LRRC9: variants seen among roughly 807,000 people sequenced by gnomAD.
The protein encoded by LRRC9 is leucine-rich repeat-containing protein 9.
LRRC9 carries 122 observed loss-of-function variants against 63.2 expected under a neutral mutation model. That is an observed-to-expected ratio of 1.93 (90% CI 1.67 to 2.24). LRRC9 has a LOEUF of 2.24. Among genes scored for constraint, LRRC9 ranks in the 30% most tolerant of loss-of-function variants. The pLI, the probability that LRRC9 is intolerant of heterozygous loss-of-function variation, is 0.00. For synonymous variants in LRRC9, 366 were observed against 213.1 expected (o/e 1.72, Z -6.25); for missense variants, 1,071 against 627.7 (o/e 1.71, Z -7.55).
intron 8 of LRRC9, among the ~76,000 whole-genome samples, chr14:59,959,474 TA>T (rs1227866525): frequency 6.6e-6 from 1 of 152,228 alleles, no homozygotes; most frequent in Non-Finnish European, 1.5e-5. Context: ...CTAAAATCAG[TA>T]TTTATTTTAA....
In LRRC9 at chr14:59,986,584, G is replaced by T; in HGVS notation, c.2211+1360G>T. Among the ~76,000 whole-genome samples, 1 of 152,170 alleles carries T rather than the reference G, an allele frequency of 6.6e-6. No individual in the cohort carries two copies. Among genetic ancestry groups the T allele is most frequent in the Non-Finnish European group, 1.5e-5 (1 of 68,014 alleles). Reference sequence around the variant, plus strand: ...GAGGTCTCAGGACTGTATGTAGATTGTTGGTATTTTTATTTTTTTCTATTT... The same window carrying T: ...GAGGTCTCAGGACTGTATGTAGATTTTTGGTATTTTTATTTTTTTCTATTT... On this transcript the variant is annotated intron_variant, in intron 17 of 31. Transcript: ENST00000445360. The surrounding 1 kb of genome is among the most constrained non-coding windows in gnomAD (Gnocchi z 4.7).
chr14:59,963,624 G>A (rs542056121), intron 10 of LRRC9, among the ~76,000 whole-genome samples: 2 of 152,106 alleles, frequency 1.3e-5, no homozygotes, highest in East Asian at 1.9e-4. Flanking sequence ...ATCTAGCATG[G>A]GACTGGATTA....
chr14:60,018,057 T>C (rs988534138), intron 24 of LRRC9, among the ~76,000 whole-genome samples: 13 of 152,120 alleles, frequency 8.5e-5, no homozygotes, highest in African/African-American at 2.9e-4. Context: ...TAAACATATA[T>C]GTGAATTTAT....
chr14:59,998,632 A>C (rs1889044997), intron 18 of LRRC9, among the ~76,000 whole-genome samples: 1 of 152,070 alleles, frequency 6.6e-6, no homozygotes, highest in South Asian at 2.1e-4. Flanking sequence ...TACTAAGTTT[A>C]TATTATTGTA....
chr14:60,047,576 T>C (rs1189251242), intron 29 of LRRC9, among the ~76,000 whole-genome samples: 3 of 152,086 alleles, frequency 2.0e-5, no homozygotes, highest in African/African-American at 4.8e-5. Context: ...TAATGGTAAA[T>C]GTTTCAATTC....
chr14:59,993,994 A>G (rs897689317), intron 17 of LRRC9, among the ~76,000 whole-genome samples: 2 of 152,184 alleles, frequency 1.3e-5, no homozygotes, highest in Admixed American at 1.3e-4. Flanking sequence ...CTCCACCCCA[A>G]ATCAACAGAA....
intron 8 of LRRC9, among the ~76,000 whole-genome samples, chr14:59,945,275 AG>A (rs1882239825): frequency 6.6e-6 from 1 of 152,012 alleles, no homozygotes; most frequent in African/African-American, 2.4e-5. Flanking sequence ...TACTAAAAGT[AG>A]ACCCTGAAAA....
At position 60,002,371 on chromosome 14, in the gene LRRC9, G is replaced by A. The variant is rs140917667; in HGVS notation, c.2664+271G>A. Among the ~76,000 whole-genome samples, 543 of 152,130 alleles carry A rather than the reference G, an allele frequency of 3.6e-3. 1 individual carries two copies. Among genetic ancestry groups the A allele is most frequent in the Non-Finnish European group, 5.3e-3 (363 of 68,008 alleles). On this transcript the variant is annotated intron_variant, in intron 20 of 31. Coordinates refer to ENST00000445360, the Ensembl canonical transcript of LRRC9. ...ACATTAGGGTCTCTAGAAAGTATTC[G>A]TCTTGCATAACTGAAACCTTGTACC...
In LRRC9 at chr14:59,945,853, G is replaced by A. The variant is rs1882315777; in HGVS notation, c.882+1109G>A. On this transcript the variant is annotated intron_variant, in intron 8 of 31. Transcript: ENST00000445360. ...AGCATTTGAAAGAACTCAATTTGAT[G>A]ATTAACTTCCAAATGTTAATTAAGA... Among the ~76,000 whole-genome samples, 4 of 152,006 alleles carry A rather than the reference G, an allele frequency of 2.6e-5. No individual in the cohort carries two copies. The South Asian group carries it at 8.3e-4, about 32-fold the overall frequency.
At chr14:60,045,371 A>T (rs549502413) in intron 29 of LRRC9, among the ~76,000 whole-genome samples, 1 of 152,142 alleles carries the variant, frequency 6.6e-6, no homozygotes, top group South Asian at 2.1e-4. Flanking sequence ...TCACCCCATC[A>T]CCTAGGTATT....
In LRRC9 at chr14:59,964,915, T is replaced by C. The variant is rs954480833; in HGVS notation, c.1212-1674T>C. ...AGTAATTTATAAGATCCTGGCTGCA[T>C]TGATTAAGTATTTGCTTGTGAGAAA... On this transcript the variant is annotated intron_variant, in intron 10 of 31. Transcript: ENST00000445360. The surrounding 1 kb of genome is among the most constrained non-coding windows in gnomAD (Gnocchi z 4.4). Among the ~76,000 whole-genome samples the C allele has an allele frequency of 2.3e-4, 35 of 152,322 alleles. No individual in the cohort carries two copies. Among genetic ancestry groups the C allele is most frequent in the Non-Finnish European group, 4.0e-4 (27 of 68,028 alleles).
chr14:59,938,207 T>C lies in LRRC9; in HGVS notation c.544-183T>C, dbSNP rs760779567. Among the ~76,000 whole-genome samples the C allele has an allele frequency of 6.6e-5, 10 of 152,188 alleles. No homozygotes were observed. The highest frequency in any genetic ancestry group is 1.2e-4 in the Non-Finnish European group (8 of 68,022). ...GTGTAGCATGTTGTTTAATTATTGT[T>C]GATATTTTCTTCAGGAATTTAGCTT... On this transcript the variant is annotated intron_variant, in intron 6 of 31. Coordinates refer to ENST00000445360, the Ensembl canonical transcript of LRRC9. The surrounding 1 kb of genome is among the most constrained non-coding windows in gnomAD (Gnocchi z 4.2).
chr14:60,036,864 C>A (rs949021530), intron 29 of LRRC9, among the ~76,000 whole-genome samples: 6 of 152,054 alleles, frequency 3.9e-5, no homozygotes, highest in Non-Finnish European at 7.4e-5. Flanking sequence ...GTGCTGCACC[C>A]GTTAACTTGT....
chr14:59,966,716 G>C lies in LRRC9; in HGVS notation c.1339G>C (p.Glu447Gln), dbSNP rs1404603402. ...CAACCGTATTCTGAGACTAAAATTC[G>C]AAGAGAAATTTCAAAAGTTTTTGGA... The change falls in exon 11 of 32, where the codon GAA becomes CAA. Residue 447 changes from glutamate to glutamine, a missense_variant. Glu to Gln is a conservative substitution (Grantham distance 29). Coordinates refer to ENST00000445360, the Ensembl canonical transcript of LRRC9. This position sits in a 1 kb window ranked among gnomAD's most constrained non-coding sequence, Gnocchi z 4.0. 7 of 686,046 alleles carry C rather than the reference G, an allele frequency of 1.0e-5. No individual in the cohort carries two copies. In the Admixed American group the frequency reaches 1.3e-4, roughly 13 times the overall value. 42.5% of individuals were successfully genotyped at this position (686,046 alleles called of 1,614,324 possible). A position where few individuals can be genotyped will look rare whatever the true frequency, so the allele number is the denominator to read the frequency against.
At chr14:59,939,733 A>G (rs1881556096) in intron 7 of LRRC9, among the ~76,000 whole-genome samples, 1 of 151,966 alleles carries the variant, frequency 6.6e-6, no homozygotes, top group South Asian at 2.1e-4. Flanking sequence ...CTATTTGACG[A>G]CATGAGGAAG....
chr14:60,016,742 C>T, exon 24 of LRRC9: 1 of 700,052 alleles, frequency 1.4e-6, no homozygotes, highest in Non-Finnish European at 2.6e-6. Context: ...CAAGGACATT[C>T]CAACTTCAAA....
At chr14:60,021,880 T>A (rs758410837) in intron 26 of LRRC9, among the ~76,000 whole-genome samples, 1 of 151,926 alleles carries the variant, frequency 6.6e-6, no homozygotes, top group African/African-American at 2.4e-5. Flanking sequence ...ACTGGTTTGA[T>A]TACTGTGGTT....
In LRRC9 at chr14:60,031,742, T is replaced by G. The variant is rs1250436052; in HGVS notation, c.3922-253T>G. Among the ~76,000 whole-genome samples the G allele has an allele frequency of 6.6e-6, 1 of 152,106 alleles. No homozygotes were observed. The highest frequency in any genetic ancestry group is 1.5e-5 in the Non-Finnish European group (1 of 67,970). ...AATTCTGAGAAAAAAATTTGATCTT[T>G]TCTTGCAAGTGCTGCTATATAGCCA... On this transcript the variant is annotated intron_variant, in intron 28 of 31. Coordinates refer to ENST00000445360, the Ensembl canonical transcript of LRRC9. This position sits in a 1 kb window ranked among gnomAD's most constrained non-coding sequence, Gnocchi z 4.6.
chr14:59,947,905 CT>C (rs1167618749), intron 8 of LRRC9, among the ~76,000 whole-genome samples: 9 of 151,692 alleles, frequency 5.9e-5, no homozygotes, highest in Non-Finnish European at 1.2e-4. Context: ...GTTTTGGTTA[CT>C]GTAGCCTTGT....
Sources: allele counts gnomAD v4.1 joint callset (sites outside exome capture counted in the v4.1 genomes callset), GRCh38; gene constraint gnomAD v4.1.1; non-coding constraint Gnocchi (gnomAD v3.1); transcripts MANE v1.5; gene names NCBI Gene and HGNC (gene_info 2026-07-23, HGNC 2026-07-21).